Variants in MIPOL1 observed in about 807,000 individuals in gnomAD.
MIPOL1 encodes the protein mirror-image polydactyly 1.
Under a neutral mutation model 60.9 loss-of-function variants are expected in MIPOL1, and 57 were observed. The observed-to-expected ratio is 0.94, with a 90% CI of 0.76 to 1.17. The LOEUF (loss-of-function observed/expected upper bound fraction) is 1.17. Ranked by LOEUF, MIPOL1 falls within the 50% of genes most tolerant of loss-of-function variation. MIPOL1 has a pLI of 0.00. For synonymous variants in MIPOL1, 179 were observed against 168.8 expected (o/e 1.06, Z -0.47); for missense variants, 551 against 511.6 (o/e 1.08, Z -0.74).
intron 9 of MIPOL1, among the ~76,000 whole-genome samples, chr14:37,364,610 G>T (rs1299817856): frequency 6.6e-6 from 1 of 152,086 alleles, no homozygotes; most frequent in African/African-American, 2.4e-5. Context: ...GAACCATACT[G>T]TTTTGTTTAC....
At chr14:37,265,192 G>T (rs2082787766) in intron 3 of MIPOL1, 1 of 151,374 alleles carries the variant, frequency 6.6e-6, no homozygotes. Context: ...TCTAACTCTG[G>T]CTATCCTTTG....
intron 7 of MIPOL1, among the ~76,000 whole-genome samples, chr14:37,299,453 TAAAAA>T (rs1408233588): frequency 3.0e-5 from 1 of 33,556 alleles, no homozygotes; most frequent in Non-Finnish European, 8.2e-5. Context: ...AAAAAAAAAT[TAAAAA>T]AATAAAAATT....
chr14:37,241,489 G>T (rs1972343176), intron 1 of MIPOL1, among the ~76,000 whole-genome samples: 1 of 151,248 alleles, frequency 6.6e-6, no homozygotes, highest in African/African-American at 2.4e-5. Flanking sequence ...AGGCCGAGGT[G>T]GGAGAATCGC....
At chr14:37,435,581 G>A (rs1200580584) in intron 11 of MIPOL1, among the ~76,000 whole-genome samples, 1 of 151,646 alleles carries the variant, frequency 6.6e-6, no homozygotes, top group African/African-American at 2.4e-5. Flanking sequence ...TGCTCAATAA[G>A]TGTTTTGAAT....
At chr14:37,330,849 T>C (rs1438582470) in intron 9 of MIPOL1, among the ~76,000 whole-genome samples, 1 of 152,012 alleles carries the variant, frequency 6.6e-6, no homozygotes, top group East Asian at 1.9e-4. Context: ...GAGGGATGGG[T>C]TAAACAGACA....
intron 10 of MIPOL1, chr14:37,369,901 C>G (rs2092592714): frequency 2.8e-5 from 5 of 176,282 alleles, no homozygotes; most frequent in Admixed American, 1.2e-4. Context: ...ATATCATTAC[C>G]TTTTGTAGTT....
At chr14:37,402,600 G>A (rs1321043947) in intron 10 of MIPOL1, among the ~76,000 whole-genome samples, 2 of 152,260 alleles carry the variant, frequency 1.3e-5, no homozygotes, top group East Asian at 1.9e-4. Context: ...GATATCTTAC[G>A]TGCAGCCTAT....
chr14:37,512,293 A>AACG (rs34738846), intron 12 of MIPOL1, among the ~76,000 whole-genome samples: 1 of 151,598 alleles, frequency 6.6e-6, no homozygotes, highest in African/African-American at 2.4e-5. Flanking sequence ...GACGAGTAAG[A>AACG]GTCTGTAGTT....
chr14:37,410,183 A>C (rs533426649), intron 10 of MIPOL1, among the ~76,000 whole-genome samples: 1 of 152,266 alleles, frequency 6.6e-6, no homozygotes, highest in Admixed American at 6.5e-5. Flanking sequence ...TTAGACTTGA[A>C]GATGACCTCT....
chr14:37,489,968 G>C (rs540079257), intron 11 of MIPOL1, among the ~76,000 whole-genome samples: 1 of 152,316 alleles, frequency 6.6e-6, no homozygotes, highest in African/African-American at 2.4e-5. Context: ...CCTTAGCATA[G>C]CTTGAACGCT....
At chr14:37,423,060 G>C (rs966088372) in intron 11 of MIPOL1, 111 bp downstream of exon 11, 2 of 628,228 alleles carry the variant, frequency 3.2e-6, no homozygotes, top group Non-Finnish European at 5.6e-6. Flanking sequence ...TAAATATTAT[G>C]CACTTAAAGC....
chr14:37,464,653 G>A (rs1394101914), intron 11 of MIPOL1, among the ~76,000 whole-genome samples: 1 of 152,114 alleles, frequency 6.6e-6, no homozygotes, highest in African/African-American at 2.4e-5. Flanking sequence ...CTATTTGGGT[G>A]GTGGCTGTAC....
At chr14:37,293,013 A>T (rs942324652) in intron 7 of MIPOL1, among the ~76,000 whole-genome samples, 1 of 152,060 alleles carries the variant, frequency 6.6e-6, no homozygotes, top group Non-Finnish European at 1.5e-5. Flanking sequence ...CTCTATACGT[A>T]TCCTAATTTC....
At chr14:37,534,771 C>G (rs898040706) in intron 12 of MIPOL1, among the ~76,000 whole-genome samples, 3 of 152,154 alleles carry the variant, frequency 2.0e-5, no homozygotes, top group Admixed American at 1.3e-4. Flanking sequence ...ACTCCATTAT[C>G]TTCTGTTACG....
chr14:37,314,214 T>G (rs1262741051), intron 9 of MIPOL1, among the ~76,000 whole-genome samples: 1 of 152,234 alleles, frequency 6.6e-6, no homozygotes, highest in African/African-American at 2.4e-5. Flanking sequence ...TTATTTTTTT[T>G]ATCAAATATT....
intron 9 of MIPOL1, among the ~76,000 whole-genome samples, chr14:37,334,881 AT>A (rs2089992218): frequency 6.6e-6 from 1 of 152,058 alleles, no homozygotes. Flanking sequence ...TTGTCAAATT[AT>A]TGTATGGATA....
rs1456981857 is a variant in MIPOL1, at chr14:37,285,433, A to G, written c.609A>G (p.Glu203=). The change falls in exon 7 of 13, where the codon GAA becomes GAG. Residue 203 remains glutamate (E), a synonymous_variant. Transcript: ENST00000684589. ...CAATTGCACGAGCCAAGCATATGGA[A>G]ATGTCTCTAAAAGTGTATGTACACA... ...DEAIARAKHM[E]MSLKVLENIN... is the part of the protein sequence containing the mutation. 2 of 1,613,984 alleles carry G rather than the reference A, an allele frequency of 1.2e-6. No homozygotes were observed. The highest frequency in any genetic ancestry group is 1.7e-6 in the Non-Finnish European group (2 of 1,179,942).
At chr14:37,488,854 T>C (rs2094996737) in intron 11 of MIPOL1, among the ~76,000 whole-genome samples, 1 of 152,190 alleles carries the variant, frequency 6.6e-6, no homozygotes, top group Non-Finnish European at 1.5e-5. Flanking sequence ...GACCTTTCTC[T>C]CTGGGTGCCC....
intron 12 of MIPOL1, among the ~76,000 whole-genome samples, chr14:37,509,740 A>G (rs1463247732): frequency 6.6e-6 from 1 of 151,346 alleles, no homozygotes; most frequent in African/African-American, 2.4e-5. Flanking sequence ...TGTGTATCAC[A>G]TGCACATGTG....
Sources: allele counts gnomAD v4.1 joint callset (sites outside exome capture counted in the v4.1 genomes callset), GRCh38; gene constraint gnomAD v4.1.1; transcripts MANE v1.5; gene names NCBI Gene and HGNC (gene_info 2026-07-23, HGNC 2026-07-21).